The following LIPC variants were observed in gnomAD, a reference collection of about 807,000 sequenced individuals.
LIPC encodes hepatic triacylglycerol lipase.
In LIPC, 44 loss-of-function variants were observed where a neutral mutation model predicts 50.7. The observed-to-expected ratio is 0.87, with a 90% CI of 0.68 to 1.11. LIPC has a LOEUF of 1.11. Among genes scored for constraint, LIPC ranks in the 50% most tolerant of loss-of-function variants. The pLI is 0.00. For synonymous variants in LIPC, 271 were observed against 256.4 expected, an observed-to-expected ratio of 1.06 and a Z score of -0.54; for missense variants, 697 against 648.2, an observed-to-expected ratio of 1.08 and a Z score of -0.82.
intron 7 of LIPC, among the ~76,000 whole-genome samples, chr15:58,563,091 G>A (rs193281381): frequency 6.8e-4 from 104 of 152,262 alleles, no homozygotes; most frequent in African/African-American, 2.5e-3. Context: ...TTTATATGGG[G>A]GGAGGAGCAT....
intron 6 of LIPC, among the ~76,000 whole-genome samples, chr15:58,548,789 G>A (rs1341117054): frequency 1.3e-5 from 2 of 152,176 alleles, no homozygotes; most frequent in African/African-American, 4.8e-5. Context: ...GAGAAACCTC[G>A]ACCATTTCTG....
intron 2 of LIPC, 82 bp from the exon 3 acceptor site, chr15:58,541,703 C>A: frequency 1.4e-6 from 2 of 1,397,822 alleles, no homozygotes; most frequent in Non-Finnish European, 2.0e-6. Context: ...CTTCCTCCAG[C>A]ATTATCCAGG....
chr15:58,469,559 G>A (rs1398909860), intron 1 of LIPC, among the ~76,000 whole-genome samples: 3 of 152,162 alleles, frequency 2.0e-5, no homozygotes, highest in African/African-American at 7.2e-5. Flanking sequence ...TTCCAACCTG[G>A]CTCAGGCAGG....
At position 58,470,293 on chromosome 15, in the gene LIPC, T is replaced by C. The variant is rs1894746926; in HGVS notation, c.88+38173T>C. On this transcript the variant is annotated intron_variant, in intron 1 of 8. Transcript: ENST00000299022. The stretch of plus-strand genomic sequence containing the variant: ...AGAGATTTGTTCAGAGAAGAGGGTG[T>C]TTCCTATGTACAAAACCAAAGACCA... 2.0e-5 allele frequency among the ~76,000 whole-genome samples: 3 copies of C among 152,188 alleles called. No homozygotes were observed. In the South Asian group the frequency reaches 6.2e-4, roughly 31 times the overall value.
intron 6 of LIPC, among the ~76,000 whole-genome samples, chr15:58,553,145 G>A (rs765696520): frequency 2.6e-5 from 4 of 152,162 alleles, no homozygotes; most frequent in Non-Finnish European, 5.9e-5. Flanking sequence ...CATCAGAGAG[G>A]ACTCAAACCC....
intron 6 of LIPC, among the ~76,000 whole-genome samples, chr15:58,549,076 G>T (rs1015000516): frequency 3.4e-4 from 52 of 152,214 alleles, no homozygotes; most frequent in African/African-American, 1.1e-3. Context: ...ACAAGATTCA[G>T]CTTCCAGTGT....
intron 6 of LIPC, among the ~76,000 whole-genome samples, chr15:58,559,384 G>A (rs1285572639): frequency 5.9e-5 from 9 of 152,160 alleles, no homozygotes; most frequent in East Asian, 3.8e-4. Flanking sequence ...GTTAGGATTC[G>A]TGGATTAACC....
intron 1 of LIPC, among the ~76,000 whole-genome samples, chr15:58,506,307 G>C (rs1408776281): frequency 2.6e-5 from 4 of 152,122 alleles, no homozygotes; most frequent in African/African-American, 9.7e-5. Flanking sequence ...CTATGCAGGA[G>C]AACAGAAATA....
At chr15:58,455,932 CCCAGAGCAGCACTTGTTAAGG>C (rs1759044235) in intron 1 of LIPC, among the ~76,000 whole-genome samples, 2 of 151,992 alleles carry the variant, frequency 1.3e-5, no homozygotes, top group Non-Finnish European at 2.9e-5. Flanking sequence ...GACCTAACAG[CCCAGAGCAGCACTTGTTAAGG>C]ACCCAAGGCA....
intron 1 of LIPC, among the ~76,000 whole-genome samples, chr15:58,463,576 C>T (rs1290451715): frequency 2.0e-5 from 3 of 152,236 alleles, no homozygotes; most frequent in Non-Finnish European, 4.4e-5. Flanking sequence ...TGCAGCCAGA[C>T]TGGGTCACCC....
rs138129883 is a variant in LIPC, at chr15:58,442,687, G to A, written c.88+10567G>A. ...TAGGTATTATCCCCACTTCACAGAT[G>A]GGGAAATTGTGGCTCAGAGTGTTGC... is the stretch of plus-strand genomic sequence containing the variant. On this transcript the variant is annotated intron_variant, in intron 1 of 8. Coordinates refer to ENST00000299022, the MANE Select transcript of LIPC (RefSeq NM_000236.3). 2.1e-3 allele frequency among the ~76,000 whole-genome samples: 317 copies of A among 152,330 alleles called. 3 individuals are homozygous for A. The highest frequency in any genetic ancestry group is 7.4e-3 in the African/African-American group (308 of 41,572).
chr15:58,471,059 TG>T (rs1408430304), intron 1 of LIPC, among the ~76,000 whole-genome samples: 1 of 151,788 alleles, frequency 6.6e-6, no homozygotes, highest in African/African-American at 2.4e-5. Flanking sequence ...TTGAAATTTA[TG>T]GAGGCCTCAG....
chr15:58,539,351 T>C (rs1257165904), intron 2 of LIPC, among the ~76,000 whole-genome samples: 2 of 152,142 alleles, frequency 1.3e-5, no homozygotes, highest in African/African-American at 4.8e-5. Context: ...ATTGACCATA[T>C]CTAAGTGGAA....
Position 58,542,632 on chromosome 15 carries a change from C to A in LIPC, c.555C>A (p.His185Gln). ...CCGGCAGTTCCATCGGTGGAACGCACAAGATTGGGAGAATCACAGGTAACC... is the reference window on the plus strand; with the variant it reads ...CCGGCAGTTCCATCGGTGGAACGCAAAAGATTGGGAGAATCACAGGTAACC... ...GFAGSSIGGT[H>Q]KIGRITGLDA... Residue 185 changes from histidine to glutamine, a missense_variant, in exon 4 of 9, where the codon CAC (histidine) becomes CAA (glutamine). By Grantham distance (24) the His-to-Gln change is conservative. Coordinates refer to ENST00000299022, the MANE Select transcript of LIPC (RefSeq NM_000236.3). 6.2e-7 allele frequency: 1 copy of A among 1,612,316 alleles called. No individual in the cohort carries two copies. Among genetic ancestry groups the A allele is most frequent in the South Asian group, 1.1e-5 (1 of 91,038 alleles).
intron 1 of LIPC, among the ~76,000 whole-genome samples, chr15:58,458,748 A>G (rs1468330475): frequency 6.6e-6 from 1 of 152,088 alleles, no homozygotes; most frequent in Non-Finnish European, 1.5e-5. Context: ...CCTCAAAATT[A>G]CACATCTTAT....
rs186270320 is a variant in LIPC, at chr15:58,530,273, G to C, written c.89-8060G>C. 6.2e-3 allele frequency among the ~76,000 whole-genome samples: 949 copies of C among 152,282 alleles called. 7 individuals are homozygous for C. Among genetic ancestry groups the C allele is most frequent in the African/African-American group, 0.022 (912 of 41,560 alleles). On this transcript the variant is annotated intron_variant, in intron 1 of 8. Transcript: ENST00000299022. ...TGAAGGAATCAGGGAAGACCTTCCG[G>C]ACATGCCAAGTCTCCCTGAGACCCT...
intron 1 of LIPC, chr15:58,436,949 G>A (rs531057526): frequency 3.7e-4 from 162 of 443,248 alleles, no homozygotes; most frequent in African/African-American, 2.7e-3. Flanking sequence ...ATAGAACGGT[G>A]TTGATAGCAA....
At chr15:58,521,661 G>A (rs540399853) in intron 1 of LIPC, 1 of 152,612 alleles carries the variant, frequency 6.6e-6, no homozygotes, top group South Asian at 2.1e-4. Context: ...GTTGCTGATA[G>A]TAGGAGGGGA....
At chr15:58,494,329 G>A (rs1362370556) in intron 1 of LIPC, among the ~76,000 whole-genome samples, 1 of 152,236 alleles carries the variant, frequency 6.6e-6, no homozygotes, top group East Asian at 1.9e-4. Flanking sequence ...AATCCTGGGA[G>A]GCAGGGGCCC....
Sources: allele counts gnomAD v4.1 joint callset (sites outside exome capture counted in the v4.1 genomes callset), GRCh38; gene constraint gnomAD v4.1.1; transcripts MANE v1.5; gene names NCBI Gene and HGNC (gene_info 2026-07-23, HGNC 2026-07-21).